The following DENND5B variants were observed in gnomAD, a reference collection of about 807,000 sequenced individuals.
DENND5B encodes DENN domain-containing protein 5B.
In DENND5B, 34 loss-of-function variants were observed where a neutral mutation model predicts 140.6. The observed-to-expected ratio is 0.24, with a 90% CI of 0.18 to 0.32. The LOEUF is 0.32. Ranked by LOEUF, DENND5B falls within the 10% of genes least tolerant of loss-of-function variation. The pLI, the probability that DENND5B is intolerant of heterozygous loss-of-function variation, is 1.00. For synonymous variants in DENND5B, 551 were observed against 562.1 expected, an observed-to-expected ratio of 0.98 and a Z score of 0.28; for missense variants, 1,142 against 1,560.2, an observed-to-expected ratio of 0.73 and a Z score of 4.52.
intron 11 of DENND5B, chr12:31,420,125 TTTATTA>T (rs755040596): frequency 6.1e-5 from 56 of 915,586 alleles, no homozygotes; most frequent in Non-Finnish European, 7.0e-5. Context: ...AACGTTTTTA[TTTATTA>T]TTATTATTTT....
intron 1 of DENND5B, among the ~76,000 whole-genome samples, chr12:31,509,293 CTAAG>C (rs1267472587): frequency 6.6e-6 from 1 of 152,162 alleles, no homozygotes; most frequent in Non-Finnish European, 1.5e-5. Context: ...ATGTAGCCAT[CTAAG>C]TATTATTATC....
chr12:31,536,165 C>T (rs1477828659), intron 1 of DENND5B, among the ~76,000 whole-genome samples: 1 of 152,126 alleles, frequency 6.6e-6, no homozygotes, highest in East Asian at 1.9e-4. Context: ...ATCACGTTAC[C>T]TGTACAGCCT....
chr12:31,489,326 C>T (rs1946431025), intron 2 of DENND5B, among the ~76,000 whole-genome samples: 1 of 145,422 alleles, frequency 6.9e-6, no homozygotes, highest in Non-Finnish European at 1.5e-5. Flanking sequence ...CTTATTTTGT[C>T]CCATGTTTTG....
chr12:31,473,380 A>G (rs753687977), intron 3 of DENND5B, among the ~76,000 whole-genome samples: 1 of 152,228 alleles, frequency 6.6e-6, no homozygotes, highest in African/African-American at 2.4e-5. Flanking sequence ...AGTGGATCTT[A>G]GGTTTGACTG....
Position 31,451,968 on chromosome 12 carries a change from T to C in DENND5B, c.1601A>G (p.Asn534Ser), listed in dbSNP as rs542580810. ...GTCAAAGTTCTGCATCTGTTCCCGG[T>C]TGGTCAGCCAGGATTCCATGTCCTG... ...TAQDMESWLTNREQMQNFDKA... is the reference protein window; with the variant it reads ...TAQDMESWLTSREQMQNFDKA... The change falls in exon 5 of 21, where the codon AAC becomes AGC. Residue 534 changes from asparagine to serine, a missense_variant. Asn to Ser is a conservative substitution (Grantham distance 46). Transcript: ENST00000389082. 1.9e-6 allele frequency: 3 copies of C among 1,613,642 alleles called. No individual in the cohort carries two copies. Among genetic ancestry groups the C allele is most frequent in the Non-Finnish European group, 2.5e-6 (3 of 1,179,828 alleles).
At chr12:31,565,037 G>A (rs1217786831) in intron 1 of DENND5B, among the ~76,000 whole-genome samples, 3 of 152,232 alleles carry the variant, frequency 2.0e-5, no homozygotes, top group South Asian at 2.1e-4. Context: ...AATCAATGTG[G>A]CAGTCAGCCT....
intron 11 of DENND5B, among the ~76,000 whole-genome samples, chr12:31,415,961 G>C (rs748795493): frequency 1.3e-5 from 2 of 151,812 alleles, no homozygotes; most frequent in Non-Finnish European, 2.9e-5. Flanking sequence ...TCAGTCTCCC[G>C]AGTAGCTGGG....
At chr12:31,489,343 A>G (rs1946432101) in intron 2 of DENND5B, among the ~76,000 whole-genome samples, 2 of 151,534 alleles carry the variant, frequency 1.3e-5, no homozygotes, top group South Asian at 2.1e-4. Flanking sequence ...TTTGCATTAG[A>G]TCTTGGTAAC....
intron 1 of DENND5B, among the ~76,000 whole-genome samples, chr12:31,511,457 A>AT (rs1565651878): frequency 6.6e-6 from 1 of 151,864 alleles, no homozygotes; most frequent in East Asian, 1.9e-4. Flanking sequence ...TTAAAATAAA[A>AT]TTTTTTCTCA....
chr12:31,521,330 T>C (rs2139003838), intron 1 of DENND5B, among the ~76,000 whole-genome samples: 1 of 146,398 alleles, frequency 6.8e-6, no homozygotes, highest in South Asian at 2.2e-4. Flanking sequence ...TTTTTTTTAA[T>C]ATTTAGAGAC....
At chr12:31,433,825 C>T (rs768196038) in intron 7 of DENND5B, among the ~76,000 whole-genome samples, 2 of 128,526 alleles carry the variant, frequency 1.6e-5, no homozygotes, top group Non-Finnish European at 3.3e-5. Flanking sequence ...TCGAGACCAG[C>T]CTAGGCAACA....
intron 1 of DENND5B, among the ~76,000 whole-genome samples, chr12:31,512,142 C>T (rs1947445303): frequency 6.6e-6 from 1 of 151,866 alleles, no homozygotes; most frequent in African/African-American, 2.4e-5. Context: ...GTCTCGAACT[C>T]CTGATCTTGT....
intron 1 of DENND5B, among the ~76,000 whole-genome samples, chr12:31,549,111 G>A (rs758223466): frequency 6.6e-6 from 1 of 152,116 alleles, no homozygotes; most frequent in Non-Finnish European, 1.5e-5. Context: ...TGTTGTACAC[G>A]CTGTTTCTGA....
At chr12:31,553,378 T>C (rs1949147469) in intron 1 of DENND5B, among the ~76,000 whole-genome samples, 1 of 152,198 alleles carries the variant, frequency 6.6e-6, no homozygotes, top group Non-Finnish European at 1.5e-5. Flanking sequence ...TGTTTTTGAG[T>C]GAGTCTCTTA....
At chr12:31,472,430 T>C (rs563508553) in intron 3 of DENND5B, among the ~76,000 whole-genome samples, 48 of 152,242 alleles carry the variant, frequency 3.2e-4, no homozygotes, top group African/African-American at 9.6e-4. Flanking sequence ...TAGCTGGGAT[T>C]ACAGGGGCAC....
At chr12:31,579,614 T>C (rs140248220) in intron 1 of DENND5B, among the ~76,000 whole-genome samples, 132 of 152,130 alleles carry the variant, frequency 8.7e-4, no homozygotes, top group Admixed American at 1.1e-3. Flanking sequence ...TGAGGCGAGA[T>C]TGCGCCACTG....
At chr12:31,466,590 G>T (rs1443774533) in intron 3 of DENND5B, among the ~76,000 whole-genome samples, 1 of 152,126 alleles carries the variant, frequency 6.6e-6, no homozygotes, top group Non-Finnish European at 1.5e-5. Context: ...CTACTCAGGA[G>T]GCTGAGACAG....
chr12:31,426,662 T>C (rs1427507375), intron 8 of DENND5B: 1 of 359,558 alleles, frequency 2.8e-6, no homozygotes. Context: ...ACGTTAAAAC[T>C]CATTCAAAGT....
intron 5 of DENND5B, among the ~76,000 whole-genome samples, chr12:31,448,866 A>AC (rs1020655186): frequency 5.9e-5 from 9 of 152,098 alleles, no homozygotes; most frequent in Non-Finnish European, 1.0e-4. Context: ...AACAAACAAA[A>AC]ACAAATCATT....
Sources: allele counts gnomAD v4.1 joint callset (sites outside exome capture counted in the v4.1 genomes callset), GRCh38; gene constraint gnomAD v4.1.1; transcripts MANE v1.5; gene names NCBI Gene and HGNC (gene_info 2026-07-23, HGNC 2026-07-21).